Variants in ARL6IP1 observed in about 807,000 individuals in gnomAD.
ARL6IP1 encodes the protein ADP-ribosylation factor-like protein 6-interacting protein 1.
Under a neutral mutation model 30.1 loss-of-function variants are expected in ARL6IP1, and 16 were observed. The ratio of observed to expected loss-of-function variants is 0.53; its 90% confidence interval spans 0.36 to 0.81. The LOEUF (loss-of-function observed/expected upper bound fraction) is 0.81. ARL6IP1 is among the 30% of genes least tolerant of loss of function. The pLI, the probability that ARL6IP1 is intolerant of heterozygous loss-of-function variation, is 0.01. For synonymous variants in ARL6IP1, 72 were observed against 84.8 expected (o/e 0.85, Z 0.83); for missense variants, 173 against 242.7 (o/e 0.71, Z 1.91).
rs545640828 is a variant in ARL6IP1 at position 18,801,521 on chromosome 16, A to T, written c.-55T>A. On this transcript the variant is annotated 5_prime_UTR_variant, in exon 1 of 6. Transcript: ENST00000304414. Reference sequence around the variant, plus strand: ...AGGCCACCTCCCCAACGAGTCCTCCAACCGAAACCCGCACACCAACCACAA... The same window carrying T: ...AGGCCACCTCCCCAACGAGTCCTCCTACCGAAACCCGCACACCAACCACAA... The T allele has an allele frequency of 6.9e-6, 11 of 1,596,948 alleles. 1 individual carries two copies. In the Admixed American group the frequency reaches 9.0e-5, roughly 13 times the overall value.
rs1258844586 is a variant in ARL6IP1 at position 18,792,653 on chromosome 16, G to C, written c.*599C>G. On this transcript the variant is annotated 3_prime_UTR_variant, in exon 6 of 6. Coordinates refer to ENST00000304414, the MANE Select transcript of ARL6IP1 (RefSeq NM_015161.3). ...AAAAGATCAAAGTTTCCTACAAATT[G>C]CTAAGCTTTGCACAAGGGAGAAGCC... The C allele has an allele frequency of 6.6e-6, 1 of 152,586 alleles. No homozygotes were observed. Among genetic ancestry groups the C allele is most frequent in the African/African-American group, 2.4e-5 (1 of 41,428 alleles). 9.5% of individuals were successfully genotyped at this position (152,586 alleles called of 1,614,324 possible).
rs955316664 is a variant in ARL6IP1 at position 18,793,372 on chromosome 16, TTAAAA to T, written c.494-7_494-3del. On this transcript the variant is annotated splice_region_variant and splice_polypyrimidine_tract_variant and intron_variant, in intron 5 of 5. Transcript: ENST00000304414. ...CAGGAAGCAATAGTAAGGAAGTCAC[TTAAAA>T]TAAAAAAAAACCCAACATTAAGGAG... 8.3e-6 allele frequency: 13 copies of T among 1,560,264 alleles called. No individual in the cohort carries two copies. The highest frequency in any genetic ancestry group is 1.1e-5 in the Non-Finnish European group (13 of 1,149,080).
In ARL6IP1 at chr16:18,793,310, C is replaced by A. The variant is rs1286637228; in HGVS notation, c.554G>T (p.Gly185Val). Residue 185 changes from glycine to valine, a missense_variant, in exon 6 of 6, where the codon GGA (glycine) becomes GTA (valine). Physicochemically the swap from Gly to Val is moderately radical, Grantham distance 109. Transcript: ENST00000304414. The part of the protein sequence containing the change: ...NQHGIILKYI[G>V]MAKREINKLL... ...TTTGTTTATCTCCCTCTTGGCCATT[C>A]CAATGTACTTCAAAATGATTCCATG... 3.1e-6 allele frequency: 5 copies of A among 1,613,184 alleles called. No homozygotes were observed. Among genetic ancestry groups the A allele is most frequent in the Non-Finnish European group, 3.4e-6 (4 of 1,179,916 alleles).
chr16:18,793,918 T>C (rs2030150795), intron 5 of ARL6IP1, among the ~76,000 whole-genome samples: 1 of 152,182 alleles, frequency 6.6e-6, no homozygotes, highest in Admixed American at 6.5e-5. Flanking sequence ...TTTCGCAATG[T>C]TGGCCAGGCG....
intron 4 of ARL6IP1, among the ~76,000 whole-genome samples, chr16:18,794,938 C>G (rs1042108834): frequency 6.6e-6 from 1 of 151,398 alleles, no homozygotes; most frequent in Non-Finnish European, 1.5e-5. Flanking sequence ...ATTATACGAT[C>G]TTTTCAGTTA....
chr16:18,798,511 TAG>T, intron 2 of ARL6IP1, 188 bp downstream of exon 2: 3 of 588,168 alleles, frequency 5.1e-6, no homozygotes, highest in Non-Finnish European at 8.1e-6. Flanking sequence ...TCAAGTGCTT[TAG>T]GTTACCAAGT....
intron 3 of ARL6IP1, among the ~76,000 whole-genome samples, chr16:18,797,154 C>G (rs534594833): frequency 3.0e-4 from 45 of 151,646 alleles, no homozygotes; most frequent in African/African-American, 1.1e-3. Flanking sequence ...CCGAGGCGGG[C>G]GGATCACAAG....
rs996059725 is a variant in ARL6IP1 at position 18,799,464 on chromosome 16, C to G, written c.37-630G>C. On this transcript the variant is annotated intron_variant, in intron 1 of 5. Coordinates refer to ENST00000304414, the MANE Select transcript of ARL6IP1 (RefSeq NM_015161.3). ...GTGAGCTCAAAATGGTTTACTTTCT[C>G]AAAGTCATGCGGGGAATCGTGGCAG... Among the ~76,000 whole-genome samples, 3 of 152,296 alleles carry G rather than the reference C, an allele frequency of 2.0e-5. No homozygotes were observed. In the East Asian group the frequency reaches 5.8e-4, roughly 29 times the overall value.
chr16:18,792,416 A>G lies in ARL6IP1; in HGVS notation c.*836T>C, dbSNP rs570349781. On this transcript the variant is annotated 3_prime_UTR_variant, in exon 6 of 6. Transcript: ENST00000304414. ...CATAGAAGACTGCTGTCCTTTTGCCAGTCTTAGAGTGAAAGTCATAGACAT... is the reference window on the plus strand; with the variant it reads ...CATAGAAGACTGCTGTCCTTTTGCCGGTCTTAGAGTGAAAGTCATAGACAT... 26 of 152,350 alleles carry G rather than the reference A, an allele frequency of 1.7e-4. No individual in the cohort carries two copies. Among genetic ancestry groups the G allele is most frequent in the African/African-American group, 6.0e-4 (25 of 41,566 alleles). The allele number at this position is 152,350 out of a possible 1,614,324, so 9.4% of individuals were successfully genotyped here. A position where few individuals can be genotyped will look rare whatever the true frequency, so the allele number is the denominator to read the frequency against.
rs898823487 is a variant in ARL6IP1 at position 18,798,023 on chromosome 16, T to G, written c.192A>C (p.Pro64=). Residue 64 remains proline, a synonymous_variant, in exon 3 of 6, where the codon CCA becomes CCC. Transcript: ENST00000304414. ...AACAGGAAACGCCGGACAGAACAGA[T>G]GGATCTAGATAGTAGATAATCCTGT... ...LVFLIIYYLD[P]SVLSGVSCFV... The G allele has an allele frequency of 6.2e-7, 1 of 1,609,774 alleles. No individual in the cohort carries two copies. Among genetic ancestry groups the G allele is most frequent in the Non-Finnish European group, 8.5e-7 (1 of 1,178,520 alleles).
At chr16:18,801,246 C>G in intron 1 of ARL6IP1, 185 bp downstream of exon 1, 2 of 1,427,286 alleles carry the variant, frequency 1.4e-6, no homozygotes, top group Non-Finnish European at 1.8e-6. Flanking sequence ...CGCACCGTCC[C>G]CAGGAAAGGT....
intron 1 of ARL6IP1, 84 bp downstream of exon 1, chr16:18,801,347 G>A: frequency 1.3e-6 from 2 of 1,577,948 alleles, no homozygotes; most frequent in South Asian, 1.1e-5. Context: ...CGCGGCGGGT[G>A]ACAGGGACGA....
chr16:18,801,251 A>T (rs2030400329), intron 1 of ARL6IP1, 180 bp downstream of exon 1: 1 of 1,424,750 alleles, frequency 7.0e-7, no homozygotes, highest in African/African-American at 1.4e-5. Flanking sequence ...CGTCCCCAGG[A>T]AAGGTAAGGG....
In ARL6IP1 at chr16:18,793,389, C is replaced by T; in HGVS notation, c.494-19G>A. 1 of 1,457,322 alleles carries T rather than the reference C, an allele frequency of 6.9e-7. No individual in the cohort carries two copies. Among genetic ancestry groups the T allele is most frequent in the Non-Finnish European group, 9.4e-7 (1 of 1,062,060 alleles). The allele number at this position is 1,457,322 out of a possible 1,614,324, so 90.3% of individuals were successfully genotyped here. ...GAAGTCACTTAAAATAAAAAAAAAC[C>T]CAACATTAAGGAGGCAGCAATTAAC... On this transcript the variant is annotated intron_variant, in intron 5 of 5. Transcript: ENST00000304414.
intron 1 of ARL6IP1, among the ~76,000 whole-genome samples, chr16:18,800,869 A>G (rs1434718712): frequency 6.6e-6 from 1 of 151,454 alleles, no homozygotes; most frequent in African/African-American, 2.4e-5. Context: ...TCCAAATTCC[A>G]GACAAACGCC....
rs201216108 is a variant in ARL6IP1, at chr16:18,794,662, A to G, written c.430T>C (p.Ser144Pro). 163 of 1,613,194 alleles carry G rather than the reference A, an allele frequency of 1.0e-4. No individual in the cohort carries two copies. The highest frequency in any genetic ancestry group is 3.3e-4 in the South Asian group (30 of 91,036). ...PKMYFMTMIV[S>P]LAAVAWVGQQ... is the part of the protein sequence containing the mutation. ...CCCACCCAAGCAACCGCAGCAAGGGAAACGATCATGGTCATGAAGTACTAG... is the reference window on the plus strand; with the variant it reads ...CCCACCCAAGCAACCGCAGCAAGGGGAACGATCATGGTCATGAAGTACTAG... The change falls in exon 5 of 6, where the codon TCC becomes CCC. Residue 144 changes from serine (S) to proline (P), a missense_variant. Ser to Pro is a moderately conservative substitution (Grantham distance 74). Transcript: ENST00000304414.
intron 5 of ARL6IP1, among the ~76,000 whole-genome samples, chr16:18,794,011 G>C (rs2030155053): frequency 2.0e-5 from 3 of 152,182 alleles, no homozygotes. Context: ...GAGTGCAGTG[G>C]TGTGATCTCA....
At chr16:18,796,196 TTTTATA>T (rs1433101358) in intron 3 of ARL6IP1, among the ~76,000 whole-genome samples, 3 of 152,208 alleles carry the variant, frequency 2.0e-5, no homozygotes, top group African/African-American at 7.2e-5. Context: ...CAAGAAAACC[TTTTATA>T]TTTATAATGT....
intron 1 of ARL6IP1, 85 bp downstream of exon 1, chr16:18,801,346 T>TGACAGG: frequency 6.4e-7 from 1 of 1,562,022 alleles, no homozygotes; most frequent in Non-Finnish European, 8.7e-7. Context: ...CCGCGGCGGG[T>TGACAGG]GACAGGGACG....
Sources: gnomAD v4.1 joint callset for allele counts (sites outside exome capture counted in the v4.1 genomes callset) on GRCh38, gnomAD v4.1.1 for gene constraint, MANE v1.5 for transcripts, NCBI Gene and HGNC (gene_info 2026-07-23, HGNC 2026-07-21) for gene names.